MICU1: variants seen among roughly 807,000 people sequenced by gnomAD.
The protein encoded by MICU1 is mitochondrial calcium uptake 1.
MICU1 carries 45 observed loss-of-function variants against 56.8 expected under a neutral mutation model. The observed-to-expected ratio is 0.79, with a 90% CI of 0.62 to 1.02. The LOEUF is 1.02. MICU1 is among the 50% of genes least tolerant of loss of function. MICU1 has a pLI of 0.00. For missense variants in MICU1, 504 were observed against 587.1 expected (o/e 0.86, Z 1.46); for synonymous variants, 186 against 195.1 (o/e 0.95, Z 0.39).
chr10:72,433,629 C>T (rs1259648509), intron 8 of MICU1, among the ~76,000 whole-genome samples: 1 of 152,014 alleles, frequency 6.6e-6, no homozygotes, highest in Non-Finnish European at 1.5e-5. Flanking sequence ...AGCGTTTCAC[C>T]ATGTTGGTCA....
intron 1 of MICU1, among the ~76,000 whole-genome samples, chr10:72,603,386 CAAA>C (rs59129933): frequency 7.7e-6 from 1 of 129,642 alleles, no homozygotes; most frequent in Admixed American, 7.9e-5. Context: ...GACTCTGTCT[CAAA>C]AAAAAAAAAA....
chr10:72,428,505 G>T (rs934157252), intron 8 of MICU1, among the ~76,000 whole-genome samples: 2 of 152,146 alleles, frequency 1.3e-5, no homozygotes, highest in African/African-American at 4.8e-5. Flanking sequence ...GTAGAGATGG[G>T]GTTTCACCAA....
chr10:72,369,320 A>G (rs1459131907), intron 11 of MICU1, among the ~76,000 whole-genome samples: 4 of 151,720 alleles, frequency 2.6e-5, no homozygotes, highest in Non-Finnish European at 1.5e-5. Context: ...AAAAAAAAAA[A>G]AGAGGTGGGC....
chr10:72,438,609 G>A (rs1310496528), intron 8 of MICU1, among the ~76,000 whole-genome samples: 2 of 152,098 alleles, frequency 1.3e-5, no homozygotes, highest in African/African-American at 4.8e-5. Flanking sequence ...ATGAATCCAG[G>A]AGCTGTTTTT....
chr10:72,623,605 G>A (rs1477644832), intron 1 of MICU1, among the ~76,000 whole-genome samples: 8 of 152,048 alleles, frequency 5.3e-5, no homozygotes, highest in African/African-American at 1.4e-4. Context: ...TTGGGAGGCC[G>A]AGGCAGGTGG....
intron 1 of MICU1, among the ~76,000 whole-genome samples, chr10:72,574,649 G>C (rs1840696780): frequency 1.3e-5 from 2 of 152,002 alleles, no homozygotes; most frequent in South Asian, 4.2e-4. Flanking sequence ...CTAAAAAAAA[G>C]ATACTAAGGA....
intron 9 of MICU1, among the ~76,000 whole-genome samples, chr10:72,420,237 T>A (rs1181182061): frequency 6.6e-6 from 1 of 152,056 alleles, no homozygotes; most frequent in African/African-American, 2.4e-5. Flanking sequence ...CTTTTTGTAT[T>A]TTTAGTAGAG....
intron 10 of MICU1, among the ~76,000 whole-genome samples, chr10:72,383,100 G>A (rs61852401): frequency 6.6e-6 from 1 of 152,058 alleles, no homozygotes; most frequent in South Asian, 2.1e-4. Flanking sequence ...AAAAACATTA[G>A]TTGGGCACGA....
At chr10:72,552,703 G>A (rs151051541) in intron 3 of MICU1, among the ~76,000 whole-genome samples, 46 of 151,874 alleles carry the variant, frequency 3.0e-4, no homozygotes, top group African/African-American at 8.0e-4. Flanking sequence ...TACAGGTGCC[G>A]GCCATCACGC....
intron 10 of MICU1, among the ~76,000 whole-genome samples, chr10:72,380,701 G>T (rs1862673430): frequency 1.3e-5 from 2 of 152,162 alleles, no homozygotes; most frequent in Admixed American, 1.3e-4. Context: ...ATGCTAGATG[G>T]TAACAGAGCT....
chr10:72,435,718 T>C (rs1475027896), intron 8 of MICU1, among the ~76,000 whole-genome samples: 1 of 152,266 alleles, frequency 6.6e-6, no homozygotes, highest in Non-Finnish European at 1.5e-5. Context: ...TGTTAGCAAC[T>C]GGCAGACAAG....
intron 11 of MICU1, among the ~76,000 whole-genome samples, chr10:72,374,959 C>T (rs1862470267): frequency 6.6e-6 from 1 of 151,668 alleles, no homozygotes; most frequent in Non-Finnish European, 1.5e-5. Flanking sequence ...TTCAGGCACG[C>T]ACCACTGTGC....
chr10:72,455,118 G>A (rs983247464), intron 8 of MICU1, among the ~76,000 whole-genome samples: 2 of 152,076 alleles, frequency 1.3e-5, no homozygotes, highest in Middle Eastern at 3.2e-3. Flanking sequence ...GGGAGGCCGA[G>A]GTAGGTGGAT....
At chr10:72,574,433 C>A (rs1306599806) in intron 1 of MICU1, among the ~76,000 whole-genome samples, 1 of 152,046 alleles carries the variant, frequency 6.6e-6, no homozygotes, top group African/African-American at 2.4e-5. Context: ...GCAGGAGAAT[C>A]GCTTGAACCC....
In MICU1 at chr10:72,595,447, C is replaced by CAAAAAAAA. The variant is rs1255926638; in HGVS notation, c.-1-28661_-1-28654dup. On this transcript the variant is annotated intron_variant, in intron 1 of 11. Coordinates refer to ENST00000361114, the MANE Select transcript of MICU1 (RefSeq NM_001195518.2). ...AACCTGGGTGACAGAGACTCTGTCT[C>CAAAAAAAA]AAAAAAAAAAAAAAAAAGAAAAAAA... Among the ~76,000 whole-genome samples the CAAAAAAAA allele has an allele frequency of 7.2e-4, 29 of 40,202 alleles. No homozygotes were observed. The East Asian group carries it at 8.5e-3, about 12-fold the overall frequency. The allele number at this position is 40,202 out of a possible 152,430, so 26.4% of individuals were successfully genotyped here. A position where few individuals can be genotyped will look rare whatever the true frequency, so the allele number is the denominator to read the frequency against.
chr10:72,538,886 G>C (rs1839700738), intron 4 of MICU1, among the ~76,000 whole-genome samples: 1 of 151,878 alleles, frequency 6.6e-6, no homozygotes. Context: ...CAAACAGACT[G>C]AAAGTAAGTA....
intron 6 of MICU1, among the ~76,000 whole-genome samples, chr10:72,492,487 G>GCC (rs1866690567): frequency 6.6e-6 from 1 of 152,180 alleles, no homozygotes; most frequent in Non-Finnish European, 1.5e-5. Flanking sequence ...TATGGGCTGG[G>GCC]CGTGGTGGCT....
intron 8 of MICU1, among the ~76,000 whole-genome samples, chr10:72,474,196 C>A (rs771500738): frequency 8.1e-6 from 1 of 124,202 alleles, no homozygotes; most frequent in Admixed American, 1.1e-4. Context: ...GTGGAGGTTG[C>A]AGTGAGCCAA....
intron 10 of MICU1, among the ~76,000 whole-genome samples, chr10:72,405,472 C>T (rs569401614): frequency 8.6e-5 from 13 of 151,970 alleles, no homozygotes; most frequent in South Asian, 2.1e-4. Flanking sequence ...CCACCTGCCT[C>T]GGCCTCCCAA....
Sources: gnomAD v4.1 joint callset for allele counts (sites outside exome capture counted in the v4.1 genomes callset) on GRCh38, gnomAD v4.1.1 for gene constraint, MANE v1.5 for transcripts, NCBI Gene and HGNC (gene_info 2026-07-23, HGNC 2026-07-21) for gene names.